ASAP2: variants seen among roughly 807,000 people sequenced by gnomAD.
The protein encoded by ASAP2 is ArfGAP with SH3 domain, ankyrin repeat and PH domain 2.
In ASAP2, 45 loss-of-function variants were observed where a neutral mutation model predicts 131.4. That is an observed-to-expected ratio of 0.34 (90% CI 0.27 to 0.44). The LOEUF (loss-of-function observed/expected upper bound fraction) is 0.44, where lower values mean the gene tolerates loss of function less well. Ranked by LOEUF, ASAP2 falls within the 20% of genes least tolerant of loss-of-function variation. The pLI is 1.00. For synonymous variants in ASAP2, 510 were observed against 503.0 expected (o/e 1.01, Z -0.19); for missense variants, 1,011 against 1,297.0 (o/e 0.78, Z 3.39).
chr2:9,334,202 T>G lies in ASAP2; in HGVS notation c.687-536T>G, dbSNP rs370498209. On this transcript the variant is annotated intron_variant, in intron 7 of 27. Transcript: ENST00000281419. ...GTAGCTTTTTGTATTTTTGTATTTG[T>G]TTTTTTTTTTTTTGTATTTTTAATA... 4.3e-3 allele frequency among the ~76,000 whole-genome samples: 242 copies of G among 56,818 alleles called. 2 individuals are homozygous for G. Among genetic ancestry groups the G allele is most frequent in the African/African-American group, 0.02 (227 of 11,638 alleles). 37.3% of individuals were successfully genotyped at this position (56,818 alleles called of 152,430 possible). A position where few individuals can be genotyped will look rare whatever the true frequency, so the allele number is the denominator to read the frequency against.
intron 9 of ASAP2, among the ~76,000 whole-genome samples, chr2:9,336,886 G>T (rs895894553): frequency 1.3e-5 from 2 of 152,232 alleles, no homozygotes; most frequent in African/African-American, 4.8e-5. Flanking sequence ...TAAGAAGGAA[G>T]ATCCAACCCA....
chr2:9,274,678 T>G (rs1444036003), intron 1 of ASAP2, among the ~76,000 whole-genome samples: 3 of 152,196 alleles, frequency 2.0e-5, no homozygotes, highest in Non-Finnish European at 4.4e-5. Context: ...AGTTTAATTT[T>G]AATTGTCTAT....
At chr2:9,331,075 C>T (rs1294748209) in intron 7 of ASAP2, among the ~76,000 whole-genome samples, 1 of 152,222 alleles carries the variant, frequency 6.6e-6, no homozygotes, top group African/African-American at 2.4e-5. Flanking sequence ...CTCATTCCCC[C>T]ACCACACACG....
At chr2:9,309,785 C>T (rs1388693193) in intron 3 of ASAP2, among the ~76,000 whole-genome samples, 1 of 152,190 alleles carries the variant, frequency 6.6e-6, no homozygotes, top group Non-Finnish European at 1.5e-5. Context: ...GTGACTATTG[C>T]ATTTGAAATG....
chr2:9,239,057 C>T (rs1415704617), intron 1 of ASAP2, among the ~76,000 whole-genome samples: 2 of 152,208 alleles, frequency 1.3e-5, no homozygotes, highest in Non-Finnish European at 2.9e-5. Flanking sequence ...TAGCAGCAAG[C>T]GCTTTGTAGC....
chr2:9,369,932 C>A (rs1272083856), intron 16 of ASAP2, among the ~76,000 whole-genome samples: 1 of 152,156 alleles, frequency 6.6e-6, no homozygotes, highest in East Asian at 1.9e-4. Context: ...GCATCCGCCT[C>A]CTGGGTTCGA....
chr2:9,212,815 C>T (rs1448062017), intron 1 of ASAP2, among the ~76,000 whole-genome samples: 1 of 152,150 alleles, frequency 6.6e-6, no homozygotes. Flanking sequence ...TGCTGAAATG[C>T]AGAGCCCCGG....
At chr2:9,242,871 G>A (rs908117607) in intron 1 of ASAP2, among the ~76,000 whole-genome samples, 23 of 152,202 alleles carry the variant, frequency 1.5e-4, no homozygotes, top group African/African-American at 5.5e-4. Flanking sequence ...ACCATTGGGT[G>A]TAAGACATTG....
chr2:9,344,502 A>T, intron 9 of ASAP2, 30 bp from the exon 10 acceptor site: 1 of 1,579,838 alleles, frequency 6.3e-7, no homozygotes, highest in Non-Finnish European at 8.7e-7. Flanking sequence ...CCTGGACAAG[A>T]TTAAAAACAC....
At chr2:9,235,540 T>G (rs1174578968) in intron 1 of ASAP2, among the ~76,000 whole-genome samples, 1 of 152,050 alleles carries the variant, frequency 6.6e-6, no homozygotes, top group Non-Finnish European at 1.5e-5. Flanking sequence ...GGTGGGCTGA[T>G]TGGAAAGCCC....
At chr2:9,213,124 A>T (rs927399535) in intron 1 of ASAP2, among the ~76,000 whole-genome samples, 1 of 152,242 alleles carries the variant, frequency 6.6e-6, no homozygotes, top group Non-Finnish European at 1.5e-5. Flanking sequence ...CATGCATAAC[A>T]TGGGGATAGA....
intron 25 of ASAP2, among the ~76,000 whole-genome samples, chr2:9,400,499 C>T (rs893226393): frequency 2.0e-5 from 3 of 150,828 alleles, no homozygotes; most frequent in African/African-American, 7.3e-5. Context: ...TGCTCCTGAG[C>T]AGCTCAGTCC....
intron 22 of ASAP2, among the ~76,000 whole-genome samples, chr2:9,388,760 G>T (rs1473260726): frequency 2.6e-5 from 4 of 152,204 alleles, no homozygotes; most frequent in African/African-American, 7.2e-5. Context: ...CAGAGTTGTG[G>T]CATCTGCCTG....
At chr2:9,390,901 C>G (rs920855129) in intron 22 of ASAP2, among the ~76,000 whole-genome samples, 161 bp from the exon 23 acceptor site, 2 of 152,176 alleles carry the variant, frequency 1.3e-5, no homozygotes, top group African/African-American at 4.8e-5. Context: ...TTCCACATGC[C>G]GGAGACAGGA....
intron 2 of ASAP2, among the ~76,000 whole-genome samples, chr2:9,290,649 G>A (rs7588636): frequency 0.35 from 53,296 of 152,138 alleles, 9,631 homozygotes; most frequent in African/African-American, 0.41. Flanking sequence ...TAGAAAATTT[G>A]GAAAGTTCAG....
chr2:9,246,866 G>C (rs1211055947), intron 1 of ASAP2, among the ~76,000 whole-genome samples: 1 of 151,918 alleles, frequency 6.6e-6, no homozygotes, highest in Admixed American at 6.5e-5. Flanking sequence ...GTTTGAGACA[G>C]AGTCTTGCTC....
intron 2 of ASAP2, among the ~76,000 whole-genome samples, chr2:9,293,380 G>A (rs1194362860): frequency 6.6e-6 from 1 of 152,166 alleles, no homozygotes; most frequent in African/African-American, 2.4e-5. Flanking sequence ...TATTGGATCT[G>A]GATCATTAAT....
intron 1 of ASAP2, among the ~76,000 whole-genome samples, chr2:9,228,199 A>G (rs1443307225): frequency 6.6e-6 from 1 of 152,240 alleles, no homozygotes; most frequent in Non-Finnish European, 1.5e-5. Flanking sequence ...AACCTTGAAG[A>G]AGTAATAATC....
In ASAP2 at chr2:9,281,688, T is replaced by C. The variant is rs1299199598; in HGVS notation, c.199+2299T>C. On this transcript the variant is annotated intron_variant, in intron 2 of 27. Transcript: ENST00000281419. This position sits in a 1 kb window ranked among gnomAD's most constrained non-coding sequence, Gnocchi z 4.0. The stretch of plus-strand genomic sequence containing the variant: ...TGTGGGCTTCAGAATTTTAGGGCAA[T>C]TGGGATAAAGATGGTTCTCTTACCA... Among the ~76,000 whole-genome samples, 3 of 152,140 alleles carry C rather than the reference T, an allele frequency of 2.0e-5. No homozygotes were observed. Among genetic ancestry groups the C allele is most frequent in the African/African-American group, 4.8e-5 (2 of 41,424 alleles).
Sources: gnomAD v4.1 joint callset for allele counts (sites outside exome capture counted in the v4.1 genomes callset) on GRCh38, gnomAD v4.1.1 for gene constraint, Gnocchi (gnomAD v3.1) non-coding constraint, MANE v1.5 for transcripts, NCBI Gene and HGNC (gene_info 2026-07-23, HGNC 2026-07-21) for gene names.